MRE11: variants seen among roughly 807,000 people sequenced by gnomAD.
The protein encoded by MRE11 is MRE11 double strand break repair nuclease.
Under a neutral mutation model 91.7 loss-of-function variants are expected in MRE11, and 62 were observed. The ratio of observed to expected loss-of-function variants is 0.68; its 90% confidence interval spans 0.55 to 0.84. MRE11 has a LOEUF of 0.84. Ranked by LOEUF, MRE11 falls within the 40% of genes least tolerant of loss-of-function variation. MRE11 has a pLI of 0.00. For missense variants in MRE11, 796 were observed against 852.9 expected (o/e 0.93, Z 0.83); for synonymous variants, 273 against 271.4 (o/e 1.01, Z -0.06).
At chr11:94,438,302 A>G (rs888799996) in intron 16 of MRE11, among the ~76,000 whole-genome samples, 1 of 152,232 alleles carries the variant, frequency 6.6e-6, no homozygotes, top group Non-Finnish European at 1.5e-5. Context: ...AAAATCCTGC[A>G]AAGTCCAAAA....
chr11:94,496,819 A>C (rs1402360160), upstream of MRE11: 1 of 1,613,944 alleles, frequency 6.2e-7, no homozygotes, highest in African/African-American at 1.3e-5. Flanking sequence ...CTGGTACTCA[A>C]AGTCTTTGGG....
chr11:94,423,294 G>A (rs906530696), intron 19 of MRE11, among the ~76,000 whole-genome samples: 1 of 152,026 alleles, frequency 6.6e-6, no homozygotes, highest in Non-Finnish European at 1.5e-5. Flanking sequence ...TGGATGATGG[G>A]GCAGCACACT....
At chr11:94,464,772 T>C (rs1277957980) in intron 10 of MRE11, among the ~76,000 whole-genome samples, 1 of 152,214 alleles carries the variant, frequency 6.6e-6, no homozygotes, top group Non-Finnish European at 1.5e-5. Context: ...TGAGAACTTC[T>C]CTCAAGGTAG....
the MRE11 span, among the ~76,000 whole-genome samples, chr11:94,506,900 T>G: frequency 6.6e-6 from 1 of 152,142 alleles, no homozygotes; most frequent in Admixed American, 6.5e-5. Flanking sequence ...TTTTTTATGT[T>G]TGTTTTGTGC....
In MRE11 at chr11:94,417,478, AG is replaced by A. The variant is rs1945059106; in HGVS notation, c.*2646del. ...AATTATGGTATTACTGCATAGGTTTAGTATTAATGCATATGTTCTAAGTTTA... is the reference window on the plus strand; with the variant it reads ...AATTATGGTATTACTGCATAGGTTTATATTAATGCATATGTTCTAAGTTTA... On this transcript the variant is annotated 3_prime_UTR_variant, in exon 20 of 20. Transcript: ENST00000323929. The A allele has an allele frequency of 8.6e-6, 2 of 232,926 alleles. No homozygotes were observed. Among genetic ancestry groups the A allele is most frequent in the Non-Finnish European group, 1.7e-5 (2 of 117,896 alleles). The allele number at this position is 232,926 out of a possible 1,614,324, so 14.4% of individuals were successfully genotyped here.
chr11:94,453,818 T>G (rs546064327), intron 14 of MRE11, among the ~76,000 whole-genome samples: 1 of 151,458 alleles, frequency 6.6e-6, no homozygotes, highest in South Asian at 2.2e-4. Flanking sequence ...AAAGAGGGTA[T>G]CAACCCACCT....
the MRE11 span, among the ~76,000 whole-genome samples, chr11:94,507,602 G>A: frequency 5.3e-5 from 8 of 152,228 alleles, no homozygotes; most frequent in East Asian, 5.8e-4. Context: ...TGAACGTTCC[G>A]ATTGCTCCAC....
At chr11:94,508,681 T>G in the MRE11 span, among the ~76,000 whole-genome samples, 1 of 152,202 alleles carries the variant, frequency 6.6e-6, no homozygotes, top group Non-Finnish European at 1.5e-5. Context: ...ATCATAAGTC[T>G]TATTATGTGG....
At chr11:94,484,033 G>T (rs1947076471) in intron 4 of MRE11, among the ~76,000 whole-genome samples, 1 of 152,064 alleles carries the variant, frequency 6.6e-6, no homozygotes, top group Non-Finnish European at 1.5e-5. Flanking sequence ...AGGAACCAGG[G>T]TTCCTTGAAG....
At chr11:94,497,763 A>G, upstream of MRE11, 1 of 269,162 alleles carries the variant, frequency 3.7e-6, no homozygotes, top group Non-Finnish European at 7.0e-6. Flanking sequence ...CAGAAAGCCT[A>G]TGTTATTCAT....
chr11:94,420,623 C>G (rs904948507), intron 19 of MRE11, among the ~76,000 whole-genome samples: 1 of 152,166 alleles, frequency 6.6e-6, no homozygotes, highest in Non-Finnish European at 1.5e-5. Context: ...TTTCCCATTA[C>G]CATTTAATAC....
intron 11 of MRE11, among the ~76,000 whole-genome samples, chr11:94,462,579 G>A (rs1946449964): frequency 6.6e-6 from 1 of 152,126 alleles, no homozygotes; most frequent in Admixed American, 6.6e-5. Flanking sequence ...TCCAAAATAA[G>A]AGATATAGAC....
chr11:94,473,574 T>C (rs1490854451), intron 7 of MRE11: 2 of 152,106 alleles, frequency 1.3e-5, no homozygotes, highest in Non-Finnish European at 2.9e-5. Flanking sequence ...TTGTTTTAAA[T>C]ATGAAAGCAG....
At position 94,486,008 on chromosome 11, in the gene MRE11, T is replaced by A. The variant is rs1060501791; in HGVS notation, c.230A>T (p.Glu77Val). 3.1e-6 allele frequency: 5 copies of A among 1,613,894 alleles called. No homozygotes were observed. Among genetic ancestry groups the A allele is most frequent in the Non-Finnish European group, 4.2e-6 (5 of 1,179,918 alleles). Residue 77 changes from glutamate (E) to valine (V), a missense_variant, in exon 4 of 20, where the codon GAG becomes GTG. By Grantham distance (121) the Glu-to-Val change is moderately radical. Coordinates refer to ENST00000323929, the MANE Select transcript of MRE11 (RefSeq NM_005591.4). ...PSRKTLHTCL[E>V]LLRKYCMGDR... ...ACCCATACAATATTTTCTTAATAAC[T>A]CGAGGCAGGTATGTAATGTTTTCCT...
intron 16 of MRE11, 140 bp downstream of exon 16, chr11:94,445,670 T>TA (rs1199227675): frequency 1.4e-6 from 1 of 714,976 alleles, no homozygotes; most frequent in Non-Finnish European, 2.5e-6. Flanking sequence ...AAAGATCTTT[T>TA]AAAAAATAAT....
At chr11:94,457,883 T>TCACA (rs1946296352) in intron 13 of MRE11, among the ~76,000 whole-genome samples, 1 of 84,458 alleles carries the variant, frequency 1.2e-5, no homozygotes, top group South Asian at 5.5e-4. Flanking sequence ...CCTCTCTCTC[T>TCACA]CTCTCACACA....
At position 94,479,654 on chromosome 11, in the gene MRE11, T is replaced by C; in HGVS notation, c.402+20A>G. On this transcript the variant is annotated intron_variant, in intron 5 of 19. Coordinates refer to ENST00000323929, the MANE Select transcript of MRE11 (RefSeq NM_005591.4). ...GATCATTTCCAAAATTCCAACAAACTCTAAGAAAACAATAATTACCCCTGT... is the reference window on the plus strand; with the variant it reads ...GATCATTTCCAAAATTCCAACAAACCCTAAGAAAACAATAATTACCCCTGT... 1 of 1,601,114 alleles carries C rather than the reference T, an allele frequency of 6.2e-7. No homozygotes were observed.
rs188839172 is a variant in MRE11, at chr11:94,426,662, T to C, written c.2070+3249A>G. Among the ~76,000 whole-genome samples, 132 of 152,140 alleles carry C rather than the reference T, an allele frequency of 8.7e-4. 1 individual carries two copies. The highest frequency in any genetic ancestry group is 3.0e-3 in the African/African-American group (125 of 41,534). On this transcript the variant is annotated intron_variant, in intron 19 of 19. Transcript: ENST00000323929. ...TAAACAAAATTGATAGGCTGCTAGCTAGATTAACAAAGGAAAAAGAGAAGA... is the reference window on the plus strand; with the variant it reads ...TAAACAAAATTGATAGGCTGCTAGCCAGATTAACAAAGGAAAAAGAGAAGA...
intron 12 of MRE11, among the ~76,000 whole-genome samples, chr11:94,460,395 TG>T (rs1232578924): frequency 2.0e-5 from 3 of 152,242 alleles, no homozygotes; most frequent in African/African-American, 7.2e-5. Context: ...CACCATCATT[TG>T]GCTGTCTTTG....
Sources: allele counts gnomAD v4.1 joint callset (sites outside exome capture counted in the v4.1 genomes callset), GRCh38; gene constraint gnomAD v4.1.1; transcripts MANE v1.5; gene names NCBI Gene and HGNC (gene_info 2026-07-23, HGNC 2026-07-21).